DDHD1: variants seen among roughly 807,000 people sequenced by gnomAD.
The protein encoded by DDHD1 is DDHD domain containing 1.
In DDHD1, 49 loss-of-function variants were observed where a neutral mutation model predicts 96.4. The observed-to-expected ratio is 0.51, with a 90% CI of 0.40 to 0.64. DDHD1 has a LOEUF of 0.64. DDHD1 is among the 30% of genes least tolerant of loss of function. The pLI, the probability that DDHD1 is intolerant of heterozygous loss-of-function variation, is 0.00. For synonymous variants in DDHD1, 442 were observed against 446.5 expected (o/e 0.99, Z 0.13); for missense variants, 1,106 against 1,161.2 (o/e 0.95, Z 0.69).
intron 1 of DDHD1, among the ~76,000 whole-genome samples, chr14:53,150,664 C>T (rs1467321536): frequency 6.6e-6 from 1 of 152,180 alleles, no homozygotes; most frequent in African/African-American, 2.4e-5. Context: ...AACTTTCTGA[C>T]TCCACTAAGT....
intron 4 of DDHD1, among the ~76,000 whole-genome samples, chr14:53,086,485 G>A (rs973506733): frequency 1.3e-5 from 2 of 152,170 alleles, no homozygotes; most frequent in Non-Finnish European, 1.5e-5. Context: ...AGAAGAGAGT[G>A]GGGGCCAATA....
At chr14:53,101,746 T>C (rs1204014030) in intron 2 of DDHD1, among the ~76,000 whole-genome samples, 1 of 152,040 alleles carries the variant, frequency 6.6e-6, no homozygotes, top group African/African-American at 2.4e-5. Flanking sequence ...TCAAACACTT[T>C]GAGAAAAACT....
intron 1 of DDHD1, among the ~76,000 whole-genome samples, chr14:53,141,357 T>C (rs1335237358): frequency 1.3e-5 from 2 of 152,224 alleles, no homozygotes; most frequent in Non-Finnish European, 2.9e-5. Flanking sequence ...AGGCAGCTTC[T>C]GGCCATTTAG....
At chr14:53,053,563 C>G (rs1396933983) in intron 11 of DDHD1, 7 of 152,090 alleles carry the variant, frequency 4.6e-5, no homozygotes, top group African/African-American at 1.4e-4. Flanking sequence ...TGAATGCCAT[C>G]ATTTTACAAT....
chr14:53,074,000 T>C (rs1232291123), intron 4 of DDHD1, among the ~76,000 whole-genome samples, 153 bp from the exon 5 acceptor site: 1 of 152,098 alleles, frequency 6.6e-6, no homozygotes, highest in African/African-American at 2.4e-5. Context: ...ACTAAACAAG[T>C]CTGCAATACT....
chr14:53,087,388 C>G (rs2139980783), intron 4 of DDHD1, among the ~76,000 whole-genome samples: 1 of 152,176 alleles, frequency 6.6e-6, no homozygotes, highest in East Asian at 1.9e-4. Context: ...ACACTTATTC[C>G]AAAATTGACC....
At chr14:53,127,208 C>T (rs1200009264) in intron 1 of DDHD1, among the ~76,000 whole-genome samples, 1 of 152,166 alleles carries the variant, frequency 6.6e-6, no homozygotes, top group Non-Finnish European at 1.5e-5. Flanking sequence ...AAATTTTACA[C>T]AGGTTACAAA....
rs141444671 is a variant in DDHD1 at position 53,144,477 on chromosome 14, T to C, written c.838+7784A>G. 2.9e-3 allele frequency among the ~76,000 whole-genome samples: 447 copies of C among 152,346 alleles called. 2 individuals are homozygous for C. Among genetic ancestry groups the C allele is most frequent in the African/African-American group, 0.01 (428 of 41,586 alleles). On this transcript the variant is annotated intron_variant, in intron 1 of 12. Coordinates refer to ENST00000673822, the MANE Select transcript of DDHD1 (RefSeq NM_001160148.2). ...CCACACTGTGCTTTCTTTCCTCAGTTTGGATGCTCAACAACGTCTTTGGTT... is the reference window on the plus strand; with the variant it reads ...CCACACTGTGCTTTCTTTCCTCAGTCTGGATGCTCAACAACGTCTTTGGTT...
chr14:53,103,390 C>G (rs184883194), intron 2 of DDHD1: 40 of 351,074 alleles, frequency 1.1e-4, no homozygotes, highest in Middle Eastern at 1.6e-3. Flanking sequence ...CCTTTGATAA[C>G]TAAAAAATTA....
At chr14:53,130,936 A>G (rs1179780977) in intron 1 of DDHD1, among the ~76,000 whole-genome samples, 2 of 152,150 alleles carry the variant, frequency 1.3e-5, no homozygotes, top group Admixed American at 6.5e-5. Flanking sequence ...CTTACAGTGG[A>G]GGGTAAGTTC....
At chr14:53,072,216 T>G (rs1418002668) in intron 6 of DDHD1, among the ~76,000 whole-genome samples, 1 of 152,100 alleles carries the variant, frequency 6.6e-6, no homozygotes, top group Non-Finnish European at 1.5e-5. Flanking sequence ...TCAGCTCCAC[T>G]ACCATTTGAA....
chr14:53,138,443 G>C (rs1566601601), intron 1 of DDHD1, among the ~76,000 whole-genome samples: 1 of 152,114 alleles, frequency 6.6e-6, no homozygotes, highest in Non-Finnish European at 1.5e-5. Flanking sequence ...AAGAAAAAAA[G>C]CAAAAAGATT....
chr14:53,114,837 C>A (rs1179271381), intron 1 of DDHD1, among the ~76,000 whole-genome samples: 1 of 152,190 alleles, frequency 6.6e-6, no homozygotes, highest in African/African-American at 2.4e-5. Context: ...TATCGCAACT[C>A]CTCTCCAGCA....
chr14:53,069,015 T>G (rs1884291132), intron 6 of DDHD1, among the ~76,000 whole-genome samples: 1 of 152,208 alleles, frequency 6.6e-6, no homozygotes, highest in Non-Finnish European at 1.5e-5. Flanking sequence ...TTATTTATAG[T>G]CAATATGAAC....
intron 12 of DDHD1, among the ~76,000 whole-genome samples, chr14:53,050,017 T>G (rs557255662): frequency 2.0e-5 from 3 of 152,306 alleles, no homozygotes; most frequent in South Asian, 4.1e-4. Flanking sequence ...AGAATTCTTT[T>G]GTGCACAAGG....
chr14:53,106,396 T>G (rs746578534), intron 1 of DDHD1, among the ~76,000 whole-genome samples: 1 of 152,154 alleles, frequency 6.6e-6, no homozygotes, highest in Non-Finnish European at 1.5e-5. Context: ...CAGTGACTCA[T>G]GCCTGTAATC....
intron 1 of DDHD1, among the ~76,000 whole-genome samples, chr14:53,151,871 G>A (rs538037183): frequency 1.3e-5 from 2 of 152,264 alleles, no homozygotes; most frequent in South Asian, 4.1e-4. Flanking sequence ...TCCAGAAGAC[G>A]TGCCGCTATT....
intron 1 of DDHD1, among the ~76,000 whole-genome samples, chr14:53,130,754 C>A (rs1889808788): frequency 6.6e-6 from 1 of 152,200 alleles, no homozygotes; most frequent in South Asian, 2.1e-4. Flanking sequence ...TGTGTGGGGC[C>A]CCACTGGAAA....
At position 53,043,455 on chromosome 14, in the gene DDHD1, C is replaced by T. The variant is rs1238920413; in HGVS notation, c.*3313G>A. On this transcript the variant is annotated 3_prime_UTR_variant, in exon 13 of 13. Coordinates refer to ENST00000673822, the MANE Select transcript of DDHD1 (RefSeq NM_001160148.2). Reference sequence around the variant, plus strand: ...TACTTTTTTTTTTTGGATACAGTGTCCAGCTCTGTCACCCAAGGTGGAGTG... The same window carrying T: ...TACTTTTTTTTTTTGGATACAGTGTTCAGCTCTGTCACCCAAGGTGGAGTG... 2 of 150,686 alleles carry T rather than the reference C, an allele frequency of 1.3e-5. No homozygotes were observed. Among genetic ancestry groups the T allele is most frequent in the Non-Finnish European group, 2.9e-5 (2 of 67,990 alleles). The allele number at this position is 150,686 out of a possible 1,614,324, so 9.3% of individuals were successfully genotyped here. A position where few individuals can be genotyped will look rare whatever the true frequency, so the allele number is the denominator to read the frequency against.
Sources: gnomAD v4.1 joint callset for allele counts (sites outside exome capture counted in the v4.1 genomes callset) on GRCh38, gnomAD v4.1.1 for gene constraint, MANE v1.5 for transcripts, NCBI Gene and HGNC (gene_info 2026-07-23, HGNC 2026-07-21) for gene names.